Variants in ZNF148 observed in about 807,000 individuals in gnomAD.
The protein encoded by ZNF148 is Beta-Enolase Repressor Factor-1.
ZNF148 carries 7 observed loss-of-function variants against 67.7 expected under a neutral mutation model. The ratio of observed to expected loss-of-function variants is 0.10; its 90% CI spans 0.06 to 0.19. The LOEUF is 0.19. ZNF148 is among the 10% of genes least tolerant of loss of function. The probability of loss-of-function intolerance (pLI) is 1.00; values close to 1 mark genes in which losing one functional copy is unlikely to be tolerated. For synonymous variants in ZNF148, 333 were observed against 330.7 expected, an observed-to-expected ratio of 1.01 and a Z score of -0.08; for missense variants, 583 against 947.1, an observed-to-expected ratio of 0.62 and a Z score of 5.05.
intron 1 of ZNF148, among the ~76,000 whole-genome samples, chr3:125,349,320 C>T (rs904488566): frequency 3.3e-5 from 5 of 152,192 alleles, no homozygotes; most frequent in African/African-American, 1.2e-4. Context: ...ATATTTGCAA[C>T]TACACATCTG....
At chr3:125,275,071 G>C (rs1937975391) in intron 7 of ZNF148, among the ~76,000 whole-genome samples, 1 of 152,020 alleles carries the variant, frequency 6.6e-6, no homozygotes, top group Admixed American at 6.5e-5. Flanking sequence ...TTCCCAAATA[G>C]GTTTAACAAA....
chr3:125,246,900 C>T lies in ZNF148; in HGVS notation c.668-12571G>A, dbSNP rs1936624382. Among the ~76,000 whole-genome samples, 4 of 152,264 alleles carry T rather than the reference C, an allele frequency of 2.6e-5. 1 individual carries two copies. The highest frequency in any genetic ancestry group is 4.1e-4 in the South Asian group (2 of 4,832). ...TTAGAAAATATCAGAATATCTTTGGCATATAGTGCTTCCAGGAGGTTGGAA... is the reference window on the plus strand; with the variant it reads ...TTAGAAAATATCAGAATATCTTTGGTATATAGTGCTTCCAGGAGGTTGGAA... On this transcript the variant is annotated intron_variant, in intron 7 of 8. Transcript: ENST00000360647.
chr3:125,320,850 C>T (rs1472162882), intron 3 of ZNF148, among the ~76,000 whole-genome samples: 3 of 152,198 alleles, frequency 2.0e-5, no homozygotes, highest in Admixed American at 6.5e-5. Context: ...GTTACATTAA[C>T]TTGGATATTA....
At chr3:125,279,399 A>C in intron 5 of ZNF148, 152 bp from the exon 6 acceptor site, 1 of 681,732 alleles carries the variant, frequency 1.5e-6, no homozygotes, top group Non-Finnish European at 2.2e-6. Context: ...TATTAGAATA[A>C]TGTTATCATT....
intron 7 of ZNF148, among the ~76,000 whole-genome samples, chr3:125,252,823 C>A (rs1477177737): frequency 6.6e-6 from 1 of 151,602 alleles, no homozygotes; most frequent in African/African-American, 2.4e-5. Flanking sequence ...CAGCCACACT[C>A]CAGTGTCATC....
intron 5 of ZNF148, among the ~76,000 whole-genome samples, chr3:125,285,408 A>T (rs568783229): frequency 1.2e-4 from 18 of 152,146 alleles, no homozygotes; most frequent in African/African-American, 4.3e-4. Flanking sequence ...CACTGGTTAT[A>T]TCTTAAAGTT....
intron 5 of ZNF148, among the ~76,000 whole-genome samples, chr3:125,282,098 T>A (rs951639501): frequency 1.3e-5 from 2 of 152,192 alleles, no homozygotes; most frequent in African/African-American, 4.8e-5. Context: ...AAAGCAATAC[T>A]TTACTTTTCA....
intron 4 of ZNF148, among the ~76,000 whole-genome samples, chr3:125,303,821 A>G (rs1426243077): frequency 2.0e-5 from 3 of 152,058 alleles, no homozygotes; most frequent in African/African-American, 7.2e-5. Context: ...TGTCTTCCAC[A>G]AAACTGGTCC....
At chr3:125,308,738 C>CAAGAAAT (rs1241433404) in intron 4 of ZNF148, among the ~76,000 whole-genome samples, 3 of 152,130 alleles carry the variant, frequency 2.0e-5, no homozygotes, top group East Asian at 3.9e-4. Flanking sequence ...TGAAAACCCA[C>CAAGAAAT]AAGAAATAAG....
intron 3 of ZNF148, among the ~76,000 whole-genome samples, chr3:125,319,036 G>A (rs1244764811): frequency 6.6e-6 from 1 of 151,608 alleles, no homozygotes; most frequent in Non-Finnish European, 1.5e-5. Context: ...CCTTCCTATT[G>A]ACACGTGTTT....
chr3:125,280,896 C>G (rs1025299650), intron 5 of ZNF148, among the ~76,000 whole-genome samples: 4 of 151,808 alleles, frequency 2.6e-5, no homozygotes, highest in Admixed American at 2.0e-4. Context: ...AAGAAACTGT[C>G]CAACAAAGGT....
intron 4 of ZNF148, among the ~76,000 whole-genome samples, chr3:125,304,612 T>C (rs557013314): frequency 6.6e-6 from 1 of 152,312 alleles, no homozygotes; most frequent in African/African-American, 2.4e-5. Context: ...TCTAATGTAC[T>C]CTGCTGGACT....
intron 5 of ZNF148, among the ~76,000 whole-genome samples, chr3:125,283,405 G>A (rs2107616277): frequency 6.6e-6 from 1 of 152,172 alleles, no homozygotes; most frequent in Middle Eastern, 3.4e-3. Context: ...TCAGCAAAAT[G>A]ACCCTGGGTT....
chr3:125,350,294 G>A (rs1417278684), intron 1 of ZNF148, among the ~76,000 whole-genome samples: 3 of 152,080 alleles, frequency 2.0e-5, no homozygotes, highest in Non-Finnish European at 4.4e-5. Flanking sequence ...CCAAGTAGCT[G>A]AGACTACAGG....
chr3:125,326,693 T>A (rs1941033256), intron 2 of ZNF148, among the ~76,000 whole-genome samples: 1 of 147,922 alleles, frequency 6.8e-6, no homozygotes, highest in South Asian at 2.1e-4. Context: ...ATACTTGCTT[T>A]ATATATGTAT....
chr3:125,307,575 G>T (rs1055926148), intron 4 of ZNF148, among the ~76,000 whole-genome samples: 1 of 151,956 alleles, frequency 6.6e-6, no homozygotes, highest in Non-Finnish European at 1.5e-5. Context: ...AACCACTCAC[G>T]TTTTTTAAAC....
intron 7 of ZNF148, among the ~76,000 whole-genome samples, chr3:125,256,783 A>C (rs1234375916): frequency 6.6e-6 from 1 of 152,164 alleles, no homozygotes; most frequent in African/African-American, 2.4e-5. Context: ...CCCTTGAGAG[A>C]AGTGAGGAAT....
chr3:125,298,343 G>GCACACACACACACACA (rs1443914103), intron 4 of ZNF148, among the ~76,000 whole-genome samples: 2 of 31,464 alleles, frequency 6.4e-5, no homozygotes, highest in African/African-American at 4.7e-4. Flanking sequence ...TTATAAATGT[G>GCACACACACACACACA]CATACACACA....
intron 7 of ZNF148, among the ~76,000 whole-genome samples, chr3:125,270,142 A>G (rs528910060): frequency 1.3e-5 from 2 of 152,280 alleles, no homozygotes; most frequent in East Asian, 3.9e-4. Flanking sequence ...TTTAATAATT[A>G]ACCTATGACC....
Sources: allele counts gnomAD v4.1 joint callset (sites outside exome capture counted in the v4.1 genomes callset), GRCh38; gene constraint gnomAD v4.1.1; transcripts MANE v1.5; gene names NCBI Gene and HGNC (gene_info 2026-07-23, HGNC 2026-07-21).